CALN1: variants seen among roughly 807,000 people sequenced by gnomAD.
The protein encoded by CALN1 is calcium-binding protein 8.
Under a neutral mutation model 30.6 loss-of-function variants are expected in CALN1, and 17 were observed. The observed-to-expected ratio is 0.56, with a 90% confidence interval of 0.38 to 0.83. The LOEUF (loss-of-function observed/expected upper bound fraction) is 0.83. CALN1 is among the 40% of genes least tolerant of loss of function. CALN1 has a pLI of 0.00. For missense variants in CALN1, 291 were observed against 354.9 expected (o/e 0.82, Z 1.45); for synonymous variants, 156 against 131.4 (o/e 1.19, Z -1.28).
chr7:71,821,784 C>CTTTTTT (rs1562810241), intron 5 of CALN1, among the ~76,000 whole-genome samples: 1 of 144,456 alleles, frequency 6.9e-6, no homozygotes, highest in African/African-American at 2.6e-5. Flanking sequence ...CTAAATGTTT[C>CTTTTTT]TTTCTTTTTT....
chr7:72,398,240 G>A (rs973676290), intron 2 of CALN1, among the ~76,000 whole-genome samples: 9 of 152,184 alleles, frequency 5.9e-5, no homozygotes, highest in Non-Finnish European at 8.8e-5. Flanking sequence ...AGGACCTTCC[G>A]TCACAAGGAA....
intron 1 of CALN1, among the ~76,000 whole-genome samples, chr7:72,429,019 G>C (rs1038590338): frequency 2.0e-5 from 3 of 152,174 alleles, no homozygotes; most frequent in East Asian, 3.9e-4. Flanking sequence ...CTGCTGTCCG[G>C]CCTGGCTAAC....
chr7:72,012,083 A>G (rs78509993), intron 5 of CALN1, among the ~76,000 whole-genome samples: 7,468 of 152,256 alleles, frequency 0.049, 605 homozygotes, highest in African/African-American at 0.17. Flanking sequence ...GAACAGAGAT[A>G]TGAAACCAGT....
At chr7:72,392,593 G>T (rs1480765980) in intron 2 of CALN1, among the ~76,000 whole-genome samples, 1 of 152,158 alleles carries the variant, frequency 6.6e-6, no homozygotes, top group Non-Finnish European at 1.5e-5. Context: ...CATACGGTCT[G>T]CTAACAGCAA....
intron 5 of CALN1, among the ~76,000 whole-genome samples, chr7:71,868,615 A>G (rs928950181): frequency 6.6e-6 from 1 of 151,890 alleles, no homozygotes; most frequent in Non-Finnish European, 1.5e-5. Context: ...CAGGTTATCC[A>G]TCTGCCTCAG....
chr7:72,099,781 T>C lies in CALN1; in HGVS notation c.388+6370A>G, dbSNP rs147914664. Among the ~76,000 whole-genome samples the C allele has an allele frequency of 8.3e-3, 1,260 of 152,240 alleles. 11 individuals are homozygous for C. Among genetic ancestry groups the C allele is most frequent in the African/African-American group, 0.029 (1,196 of 41,534 alleles). ...AAGGAAGCTGAGCTTCAAAAATAAA[T>C]AAATGTGCTTTTACGTGATGGGTCA... On this transcript the variant is annotated intron_variant, in intron 4 of 6. Coordinates refer to ENST00000395275, the MANE Select transcript of CALN1 (RefSeq NM_031468.4).
In CALN1 at chr7:71,809,506, CCTT is replaced by C. The variant is rs567113977; in HGVS notation, c.658+827_658+829del. On this transcript the variant is annotated intron_variant, in intron 6 of 6. Transcript: ENST00000395275. ...AAAGAAAAGAAAAAAAATTTGACCT[CCTT>C]AAGAAATGTCAGCATTGAACAGAAA... Among the ~76,000 whole-genome samples the C allele has an allele frequency of 6.2e-5, 9 of 144,136 alleles. No homozygotes were observed. In the South Asian group the frequency reaches 1.6e-3, roughly 26 times the overall value. The allele number at this position is 144,136 out of a possible 152,430, so 94.6% of individuals were successfully genotyped here.
At chr7:72,167,565 G>T (rs1788615837) in intron 3 of CALN1, among the ~76,000 whole-genome samples, 1 of 152,122 alleles carries the variant, frequency 6.6e-6, no homozygotes, top group South Asian at 2.1e-4. Context: ...GGCTGGTCTT[G>T]AGCTCCTGAC....
intron 4 of CALN1, among the ~76,000 whole-genome samples, chr7:72,039,048 C>A (rs1801970513): frequency 6.6e-6 from 1 of 152,202 alleles, no homozygotes; most frequent in African/African-American, 2.4e-5. Context: ...TGGATCAGGA[C>A]CCCTTTCCTG....
At chr7:71,917,712 TTTTTATGAGAACAG>T (rs574889415) in intron 5 of CALN1, among the ~76,000 whole-genome samples, 23,668 of 152,080 alleles carry the variant, frequency 0.16, 2,071 homozygotes, top group Non-Finnish European at 0.2. Context: ...GACTCACTCA[TTTTTATGAGAACAG>T]CATGGGGATG....
chr7:71,797,769 C>T (rs1159422645), intron 6 of CALN1, among the ~76,000 whole-genome samples: 1 of 152,116 alleles, frequency 6.6e-6, no homozygotes, highest in Non-Finnish European at 1.5e-5. Context: ...TAACAAAATT[C>T]ATCTTTTGTG....
intron 2 of CALN1, among the ~76,000 whole-genome samples, chr7:72,297,882 T>C (rs1394189012): frequency 6.6e-6 from 1 of 152,238 alleles, no homozygotes; most frequent in Non-Finnish European, 1.5e-5. Flanking sequence ...TGCATTTTCA[T>C]ATTTTTAACA....
intron 4 of CALN1, among the ~76,000 whole-genome samples, chr7:72,057,046 C>T (rs1356985648): frequency 6.6e-6 from 1 of 151,968 alleles, no homozygotes; most frequent in Non-Finnish European, 1.5e-5. Flanking sequence ...CCTCAAGTGC[C>T]CCTCCTGCCT....
intron 2 of CALN1, among the ~76,000 whole-genome samples, chr7:72,342,958 T>G (rs1001803394): frequency 4.6e-5 from 7 of 152,188 alleles, no homozygotes; most frequent in Non-Finnish European, 1.0e-4. Flanking sequence ...ACAACACACA[T>G]TCTCTCCTGT....
intron 5 of CALN1, among the ~76,000 whole-genome samples, chr7:71,989,941 C>G (rs1196682262): frequency 1.3e-5 from 2 of 152,056 alleles, no homozygotes; most frequent in Non-Finnish European, 2.9e-5. Flanking sequence ...AGAGCAAAAT[C>G]AAAATTACGT....
intron 5 of CALN1, among the ~76,000 whole-genome samples, chr7:72,010,178 T>C (rs1799991685): frequency 6.6e-6 from 1 of 152,086 alleles, no homozygotes; most frequent in Admixed American, 6.6e-5. Context: ...CCCATTGTGA[T>C]GGTATTAGGA....
intron 4 of CALN1, among the ~76,000 whole-genome samples, chr7:72,055,538 A>G (rs1222729658): frequency 6.6e-6 from 1 of 152,218 alleles, no homozygotes; most frequent in Non-Finnish European, 1.5e-5. Context: ...ACTATAAAAC[A>G]TATGAATAAT....
At position 72,131,112 on chromosome 7, in the gene CALN1, A is replaced by T. The variant is rs80111531; in HGVS notation, c.245-24818T>A. On this transcript the variant is annotated intron_variant, in intron 3 of 6. Transcript: ENST00000395275. ...TGAGATCTGTTTCTGCCCTTAAAGC[A>T]CTCGTGAAGGGGCAGAGTGGAGAGA... is the stretch of plus-strand genomic sequence containing the variant. 6.4e-3 allele frequency among the ~76,000 whole-genome samples: 976 copies of T among 152,196 alleles called. 14 individuals carry two copies. Among genetic ancestry groups the T allele is most frequent in the African/African-American group, 0.022 (900 of 41,516 alleles).
intron 2 of CALN1, among the ~76,000 whole-genome samples, chr7:72,305,946 A>G (rs945655026): frequency 5.3e-5 from 8 of 152,112 alleles, no homozygotes; most frequent in African/African-American, 1.4e-4. Context: ...TAAGGGCACT[A>G]AATTCCATTA....
Sources: allele counts gnomAD v4.1 joint callset (sites outside exome capture counted in the v4.1 genomes callset), GRCh38; gene constraint gnomAD v4.1.1; transcripts MANE v1.5; gene names NCBI Gene and HGNC (gene_info 2026-07-23, HGNC 2026-07-21).